EFCAB5: variants seen among roughly 807,000 people sequenced by gnomAD.
EFCAB5 encodes EF-hand calcium-binding domain-containing protein 5.
A neutral mutation model predicts 167.9 loss-of-function variants in EFCAB5; 131 were observed. The ratio of observed to expected loss-of-function variants is 0.78; its 90% CI spans 0.68 to 0.90. EFCAB5 has a LOEUF of 0.90. Among genes scored for constraint, EFCAB5 ranks in the 40% least tolerant of loss-of-function variants. The pLI, the probability that EFCAB5 is intolerant of heterozygous loss-of-function variation, is 0.00. For synonymous variants in EFCAB5, 574 were observed against 602.8 expected (o/e 0.95, Z 0.70); for missense variants, 1,663 against 1,745.2 (o/e 0.95, Z 0.84).
In EFCAB5 at chr17:30,088,348, T is replaced by A. The variant is rs74354424; in HGVS notation, c.3683+1182T>A. Among the ~76,000 whole-genome samples the A allele has an allele frequency of 1.2e-3, 189 of 152,300 alleles. 2 individuals are homozygous for A. In the East Asian group the frequency reaches 0.035, roughly 28 times the overall value. On this transcript the variant is annotated intron_variant, in intron 19 of 22. Transcript: ENST00000394835. Reference sequence around the variant, plus strand: ...GGTGCCCAGCCTTCCCAAGTCCTTTTTAAAACAGATTTCATTGGCATTTTA... The same window carrying A: ...GGTGCCCAGCCTTCCCAAGTCCTTTATAAAACAGATTTCATTGGCATTTTA...
intron 22 of EFCAB5, among the ~76,000 whole-genome samples, chr17:30,105,722 C>G (rs1487384773): frequency 6.6e-6 from 1 of 151,988 alleles, no homozygotes. Flanking sequence ...ATTTGAGAAA[C>G]CTAATTCATT....
chr17:29,999,133 T>G (rs1290375804), intron 6 of EFCAB5, among the ~76,000 whole-genome samples: 1 of 152,076 alleles, frequency 6.6e-6, no homozygotes, highest in East Asian at 1.9e-4. Context: ...ACACATTCTG[T>G]GGGTTTTCTT....
At position 30,053,918 on chromosome 17, in the gene EFCAB5, C is replaced by T. The variant is rs757728145; in HGVS notation, c.1964C>T (p.Pro655Leu). ...CCATACCAAAAATCAGAACAAGGACCTTATGGAGAGATAATTTCAGAAGAG... is the reference window on the plus strand; with the variant it reads ...CCATACCAAAAATCAGAACAAGGACTTTATGGAGAGATAATTTCAGAAGAG... ...EEPYQKSEQGPYGEIISEEQE... is the reference protein window; with the variant it reads ...EEPYQKSEQGLYGEIISEEQE... The change falls in exon 10 of 23, where the codon CCT (proline) becomes CTT (leucine). Residue 655 changes from proline (P) to leucine (L), a missense_variant. Coordinates refer to ENST00000394835, the MANE Select transcript of EFCAB5 (RefSeq NM_198529.4). 1.3e-5 allele frequency: 21 copies of T among 1,613,926 alleles called. No homozygotes were observed. Among genetic ancestry groups the T allele is most frequent in the Non-Finnish European group, 1.8e-5 (21 of 1,179,890 alleles).
chr17:30,073,524 G>A, intron 14 of EFCAB5: 1 of 564,292 alleles, frequency 1.8e-6, no homozygotes, highest in Non-Finnish European at 3.3e-6. Flanking sequence ...TATTTTTGAT[G>A]CATGTGGTCC....
chr17:30,019,577 C>T (rs1330064226), intron 7 of EFCAB5, among the ~76,000 whole-genome samples: 1 of 151,942 alleles, frequency 6.6e-6, no homozygotes, highest in Non-Finnish European at 1.5e-5. Context: ...TCCTGAGTAG[C>T]TGGGATTACA....
chr17:30,022,529 T>C (rs530894255), intron 7 of EFCAB5, among the ~76,000 whole-genome samples: 12 of 152,102 alleles, frequency 7.9e-5, no homozygotes, highest in Non-Finnish European at 1.3e-4. Context: ...GAGGGATGCA[T>C]AGCAGAAGAA....
At chr17:30,041,198 GGAAGAAAGGAAA>G (rs2069761686) in intron 8 of EFCAB5, among the ~76,000 whole-genome samples, 1 of 100,572 alleles carries the variant, frequency 9.9e-6, no homozygotes, top group African/African-American at 4.3e-5. Context: ...AAGGAAGGAA[GGAAGAAAGGAAA>G]GAAGGAAGGA....
intron 3 of EFCAB5, among the ~76,000 whole-genome samples, chr17:29,967,657 C>A (rs568750240): frequency 3.3e-5 from 5 of 152,134 alleles, no homozygotes. Context: ...AGTATTCTTG[C>A]GCATTTTTTA....
In EFCAB5 at chr17:30,108,053, A is replaced by G; in HGVS notation, c.*29A>G. The G allele has an allele frequency of 6.4e-7, 1 of 1,558,796 alleles. No homozygotes were observed. The highest frequency in any genetic ancestry group is 8.6e-7 in the Non-Finnish European group (1 of 1,161,156). ...TGGATGATAATGGAATTGATACTGT[A>G]TTTAGGATCCTTTGTTTGTTATCAG... On this transcript the variant is annotated 3_prime_UTR_variant, in exon 23 of 23. Coordinates refer to ENST00000394835, the MANE Select transcript of EFCAB5 (RefSeq NM_198529.4).
chr17:30,023,961 GC>G (rs1223715266), intron 7 of EFCAB5, among the ~76,000 whole-genome samples: 2 of 152,084 alleles, frequency 1.3e-5, no homozygotes, highest in Non-Finnish European at 2.9e-5. Flanking sequence ...TGCAGAAAAG[GC>G]CTTTGACAAA....
chr17:30,011,281 G>A (rs979727944), intron 7 of EFCAB5, among the ~76,000 whole-genome samples: 19 of 152,228 alleles, frequency 1.2e-4, no homozygotes, highest in East Asian at 3.9e-4. Flanking sequence ...TTGTCTTGGC[G>A]ATGCAGGCTC....
Position 30,092,026 on chromosome 17 carries a change from C to G in EFCAB5, c.4093C>G (p.Gln1365Glu). Residue 1365 changes from glutamine (Q) to glutamate (E), a missense_variant, in exon 21 of 23, where the codon CAA becomes GAA. Gln to Glu is a conservative substitution (Grantham distance 29). Coordinates refer to ENST00000394835, the MANE Select transcript of EFCAB5 (RefSeq NM_198529.4). ...HTLVTEPNSP[Q>E]DSKSMELEAN... Reference sequence around the variant, plus strand: ...TCTTGTAACAGAGCCAAATTCTCCTCAAGACAGCAAATCTATGGAGTTGGA... The same window carrying G: ...TCTTGTAACAGAGCCAAATTCTCCTGAAGACAGCAAATCTATGGAGTTGGA... The G allele has an allele frequency of 6.2e-7, 1 of 1,613,958 alleles. No individual in the cohort carries two copies. The highest frequency in any genetic ancestry group is 8.5e-7 in the Non-Finnish European group (1 of 1,179,866).
chr17:30,080,277 TA>T (rs751563820), intron 16 of EFCAB5, 36 bp downstream of exon 16: 2 of 1,491,468 alleles, frequency 1.3e-6, no homozygotes, highest in Non-Finnish European at 1.8e-6. Flanking sequence ...TTCACCCTCC[TA>T]AAAAAATAAT....
chr17:29,999,927 A>T lies in EFCAB5; in HGVS notation c.995A>T (p.Asp332Val), dbSNP rs759491606. Residue 332 changes from aspartate (D) to valine (V), a missense_variant, in exon 7 of 23, where the codon GAT (aspartate) becomes GTT (valine). By Grantham distance (152) the Asp-to-Val change is radical. Coordinates refer to ENST00000394835, the MANE Select transcript of EFCAB5 (RefSeq NM_198529.4). ...ATAGGATCACACTGCAAACAACTGG[A>T]TATTACTGACTCAACAGAACCAAGA... ...FKLGSHCKQL[D>V]ITDSTEPRLN... 1.3e-6 allele frequency: 2 copies of T among 1,587,040 alleles called. No individual in the cohort carries two copies. The highest frequency in any genetic ancestry group is 1.7e-6 in the Non-Finnish European group (2 of 1,165,270).
Position 30,053,239 on chromosome 17 carries a change from T to C in EFCAB5, c.1301-16T>C, listed in dbSNP as rs1416571922. 2 of 1,567,630 alleles carry C rather than the reference T, an allele frequency of 1.3e-6. No homozygotes were observed. Among genetic ancestry groups the C allele is most frequent in the Non-Finnish European group, 1.7e-6 (2 of 1,158,700 alleles). Reference sequence around the variant, plus strand: ...AAGATCAATGGTTTAAGTGAATATTTTGTTTTCTGCATTAGGGCCATTCAT... The same window carrying C: ...AAGATCAATGGTTTAAGTGAATATTCTGTTTTCTGCATTAGGGCCATTCAT... On this transcript the variant is annotated splice_polypyrimidine_tract_variant and intron_variant, in intron 9 of 22. Transcript: ENST00000394835.
chr17:30,068,731 C>A (rs1483393404), intron 14 of EFCAB5: 3 of 1,481,130 alleles, frequency 2.0e-6, no homozygotes, highest in African/African-American at 1.4e-5. Flanking sequence ...CGATGGCAGC[C>A]GGGATGAGCT....
intron 14 of EFCAB5, chr17:30,073,040 C>A (rs1284146397): frequency 3.3e-6 from 2 of 601,266 alleles, no homozygotes; most frequent in African/African-American, 1.9e-5. Context: ...CTGTGTCCTC[C>A]CCTCCCCATG....
intron 4 of EFCAB5, among the ~76,000 whole-genome samples, chr17:29,969,822 C>A (rs965344620): frequency 6.6e-6 from 1 of 152,072 alleles, no homozygotes; most frequent in African/African-American, 2.4e-5. Context: ...TCTATAGATC[C>A]TTATAGAATT....
In EFCAB5 at chr17:29,945,652, A is replaced by G. The variant is rs112681944; in HGVS notation, c.190+2003A>G. On this transcript the variant is annotated intron_variant, in intron 3 of 22. Coordinates refer to ENST00000394835, the MANE Select transcript of EFCAB5 (RefSeq NM_198529.4). ...TAGCATGGTACTGGTATAAAAGTAG[A>G]CACACAGACATAATAGAGAACCCAG... 2.2e-3 allele frequency among the ~76,000 whole-genome samples: 342 copies of G among 152,284 alleles called. 2 individuals carry two copies. Among genetic ancestry groups the G allele is most frequent in the African/African-American group, 8.1e-3 (336 of 41,574 alleles).
Sources: allele counts gnomAD v4.1 joint callset (sites outside exome capture counted in the v4.1 genomes callset), GRCh38; gene constraint gnomAD v4.1.1; transcripts MANE v1.5; gene names NCBI Gene and HGNC (gene_info 2026-07-23, HGNC 2026-07-21).